Variants in PRKAG2 observed in about 807,000 individuals in gnomAD.
PRKAG2 encodes 5'-AMP-activated protein kinase subunit gamma-2.
Under a neutral mutation model 69.6 loss-of-function variants are expected in PRKAG2, and 26 were observed. That is an observed-to-expected ratio of 0.37 (90% CI 0.27 to 0.52). The LOEUF (loss-of-function observed/expected upper bound fraction) is 0.52, where lower values mean the gene tolerates loss of function less well. PRKAG2 is among the 20% of genes least tolerant of loss of function. The pLI, the probability that PRKAG2 is intolerant of heterozygous loss-of-function variation, is 0.90. For synonymous variants in PRKAG2, 293 were observed against 285.0 expected (o/e 1.03, Z -0.28); for missense variants, 557 against 740.0 (o/e 0.75, Z 2.87).
chr7:151,847,584 G>T (rs192379043), intron 1 of PRKAG2, among the ~76,000 whole-genome samples: 213 of 152,200 alleles, frequency 1.4e-3, no homozygotes, highest in Non-Finnish European at 2.2e-3. Context: ...ACTCATCCTG[G>T]GGCACTGCTC....
chr7:151,840,187 C>G lies in PRKAG2; in HGVS notation c.114+36320G>C, dbSNP rs59704802. Among the ~76,000 whole-genome samples, 783 of 152,276 alleles carry G rather than the reference C, an allele frequency of 5.1e-3. 7 individuals are homozygous for G. Among genetic ancestry groups the G allele is most frequent in the African/African-American group, 0.018 (755 of 41,540 alleles). On this transcript the variant is annotated intron_variant, in intron 1 of 15. Transcript: ENST00000287878. ...GTTAGGAGTGGCAGATTCATCTCCCCGGAGCTGGTGACAGTAGGGAGGCAT... is the reference window on the plus strand; with the variant it reads ...GTTAGGAGTGGCAGATTCATCTCCCGGGAGCTGGTGACAGTAGGGAGGCAT...
At chr7:151,874,103 TATG>T (rs1357624448) in intron 1 of PRKAG2, among the ~76,000 whole-genome samples, 3 of 145,798 alleles carry the variant, frequency 2.1e-5, no homozygotes, top group African/African-American at 5.1e-5. Context: ...TGTATATGTA[TATG>T]ATGTATATGT....
At chr7:151,799,811 G>A (rs921631491) in intron 1 of PRKAG2, among the ~76,000 whole-genome samples, 2 of 152,230 alleles carry the variant, frequency 1.3e-5, no homozygotes, top group African/African-American at 4.8e-5. Context: ...GGGCCACGCT[G>A]CAGGCAGCTA....
At position 151,835,848 on chromosome 7, in the gene PRKAG2, G is replaced by A. The variant is rs566542695; in HGVS notation, c.114+40659C>T. Among the ~76,000 whole-genome samples, 3 of 152,332 alleles carry A rather than the reference G, an allele frequency of 2.0e-5. No individual in the cohort carries two copies. The highest frequency in any genetic ancestry group is 4.1e-4 in the South Asian group (2 of 4,828). ...GATGGCAGATTGCTGGCTGCTCACC[G>A]TGATGAAAGTGCATCTGTCCCACAA... is the stretch of plus-strand genomic sequence containing the variant. On this transcript the variant is annotated intron_variant, in intron 1 of 15. Coordinates refer to ENST00000287878, the MANE Select transcript of PRKAG2 (RefSeq NM_016203.4). This position sits in a 1 kb window ranked among gnomAD's most constrained non-coding sequence, Gnocchi z 4.1.
intron 1 of PRKAG2, among the ~76,000 whole-genome samples, chr7:151,813,329 G>T (rs1471615288): frequency 2.0e-5 from 3 of 151,946 alleles, no homozygotes; most frequent in Non-Finnish European, 2.9e-5. Flanking sequence ...TATCACCTTT[G>T]CTCTCCACCT....
chr7:151,867,308 T>G (rs937857743), intron 1 of PRKAG2, among the ~76,000 whole-genome samples: 11 of 152,230 alleles, frequency 7.2e-5, no homozygotes, highest in African/African-American at 2.7e-4. Flanking sequence ...TAAAACAGAA[T>G]GGATTCTCTC....
rs557245140 is a variant in PRKAG2, at chr7:151,787,801, G to T, written c.115-1260C>A. Among the ~76,000 whole-genome samples, 7 of 152,242 alleles carry T rather than the reference G, an allele frequency of 4.6e-5. No homozygotes were observed. In the South Asian group the frequency reaches 1.5e-3, roughly 32 times the overall value. ...ATTAATTTAAAATGAGGTCATTAAGGTGGGCCCTAGTCCAATATGACTGGT... is the reference window on the plus strand; with the variant it reads ...ATTAATTTAAAATGAGGTCATTAAGTTGGGCCCTAGTCCAATATGACTGGT... On this transcript the variant is annotated intron_variant, in intron 1 of 15. Transcript: ENST00000287878.
At chr7:151,808,571 A>G (rs1399185091) in intron 1 of PRKAG2, among the ~76,000 whole-genome samples, 2 of 148,806 alleles carry the variant, frequency 1.3e-5, no homozygotes, top group African/African-American at 4.9e-5. Flanking sequence ...TACTGTAACA[A>G]GAGAGTCTAG....
intron 3 of PRKAG2, among the ~76,000 whole-genome samples, chr7:151,709,026 G>A (rs1175688818): frequency 6.6e-6 from 1 of 152,188 alleles, no homozygotes; most frequent in Admixed American, 6.5e-5. Flanking sequence ...TGTGATGGGC[G>A]ATGGTGACAC....
intron 3 of PRKAG2, among the ~76,000 whole-genome samples, chr7:151,742,273 A>G (rs1276291605): frequency 6.6e-6 from 1 of 152,246 alleles, no homozygotes; most frequent in African/African-American, 2.4e-5. Context: ...GATTTGGAAA[A>G]GAATTTCTCT....
At chr7:151,798,400 C>A (rs1314244010) in intron 1 of PRKAG2, among the ~76,000 whole-genome samples, 1 of 152,066 alleles carries the variant, frequency 6.6e-6, no homozygotes, top group South Asian at 2.1e-4. Flanking sequence ...CTTCAACCTC[C>A]GCCTCCCGGG....
intron 4 of PRKAG2, among the ~76,000 whole-genome samples, chr7:151,654,598 T>C (rs1185297832): frequency 6.6e-6 from 1 of 152,238 alleles, no homozygotes; most frequent in Non-Finnish European, 1.5e-5. Context: ...TCCTGTGCTT[T>C]TACTATGCTC....
chr7:151,568,981 A>G, intron 10 of PRKAG2, 139 bp from the exon 11 acceptor site: 1 of 992,278 alleles, frequency 1.0e-6, no homozygotes, highest in South Asian at 1.4e-5. Context: ...TAAATTAGAG[A>G]TCTCAGCAAA....
intron 3 of PRKAG2, among the ~76,000 whole-genome samples, chr7:151,734,848 C>CTTTTTTTT (rs35008070): frequency 1.7e-4 from 15 of 90,082 alleles, no homozygotes; most frequent in African/African-American, 2.0e-4. Context: ...AAATCTGATT[C>CTTTTTTTT]TTTTTTTTTT....
intron 3 of PRKAG2, among the ~76,000 whole-genome samples, chr7:151,734,947 T>C (rs1200075018): frequency 2.1e-5 from 3 of 143,828 alleles, no homozygotes; most frequent in African/African-American, 7.9e-5. Flanking sequence ...CTCTGCCTCC[T>C]GGGTTCAAGC....
chr7:151,716,676 T>C (rs563573838), intron 3 of PRKAG2, among the ~76,000 whole-genome samples: 4 of 152,312 alleles, frequency 2.6e-5, no homozygotes, highest in African/African-American at 7.2e-5. Context: ...AACCTAAGAA[T>C]GGGACTTCAT....
intron 1 of PRKAG2, among the ~76,000 whole-genome samples, chr7:151,862,513 A>G (rs1043854668): frequency 6.6e-6 from 1 of 152,108 alleles, no homozygotes. Flanking sequence ...CCCCTCTGTT[A>G]GTTAAGCTTC....
rs1277592203 is a variant in PRKAG2, at chr7:151,632,002, C to T, written c.754+67G>A. On this transcript the variant is annotated intron_variant, in intron 5 of 15. Coordinates refer to ENST00000287878, the MANE Select transcript of PRKAG2 (RefSeq NM_016203.4). This position sits in a 1 kb window ranked among gnomAD's most constrained non-coding sequence, Gnocchi z 4.2. ...CCGGAGATGGGGCGCGGGGTCCCCG[C>T]GGGTCCCGGTCCTCGGGCGGCCGGG... 2 of 1,176,818 alleles carry T rather than the reference C, an allele frequency of 1.7e-6. No homozygotes were observed. The highest frequency in any genetic ancestry group is 1.1e-6 in the Non-Finnish European group (1 of 950,444). 72.9% of individuals were successfully genotyped at this position (1,176,818 alleles called of 1,614,324 possible). A position where few individuals can be genotyped will look rare whatever the true frequency, so the allele number is the denominator to read the frequency against.
intron 1 of PRKAG2, among the ~76,000 whole-genome samples, chr7:151,830,216 C>G (rs1047114810): frequency 3.3e-5 from 5 of 150,992 alleles, no homozygotes; most frequent in Non-Finnish European, 7.4e-5. Context: ...GCTTGAAACT[C>G]TGTGCCTGGC....
Sources: allele counts gnomAD v4.1 joint callset (sites outside exome capture counted in the v4.1 genomes callset), GRCh38; gene constraint gnomAD v4.1.1; non-coding constraint Gnocchi (gnomAD v3.1); transcripts MANE v1.5; gene names NCBI Gene and HGNC (gene_info 2026-07-23, HGNC 2026-07-21).